The following GRIN2A variants were observed in gnomAD, a reference collection of about 807,000 sequenced individuals.
GRIN2A encodes glutamate receptor ionotropic, NMDA 2A.
Under a neutral mutation model 113.4 loss-of-function variants are expected in GRIN2A, and 22 were observed. The observed-to-expected ratio is 0.19, with a 90% CI of 0.14 to 0.28. The LOEUF is 0.28. Ranked by LOEUF, GRIN2A falls within the 10% of genes least tolerant of loss-of-function variation. The probability of loss-of-function intolerance (pLI) is 1.00; values close to 1 mark genes in which losing one functional copy is unlikely to be tolerated. For synonymous variants in GRIN2A, 827 were observed against 738.4 expected (o/e 1.12, Z -1.94); for missense variants, 1,502 against 1,887.0 (o/e 0.80, Z 3.78).
At chr16:10,104,411 G>A (rs565612652) in intron 2 of GRIN2A, among the ~76,000 whole-genome samples, 23 of 152,210 alleles carry the variant, frequency 1.5e-4, no homozygotes, top group African/African-American at 5.3e-4. Context: ...CCTGGAGGAG[G>A]ACCAGTTTGA....
chr16:9,836,707 C>T (rs561403472), intron 7 of GRIN2A, among the ~76,000 whole-genome samples: 443 of 152,328 alleles, frequency 2.9e-3, no homozygotes, highest in African/African-American at 0.01. Context: ...ATACCACACA[C>T]GTGAATGCAC....
intron 3 of GRIN2A, among the ~76,000 whole-genome samples, chr16:9,924,137 A>C (rs985319572): frequency 6.6e-6 from 1 of 151,702 alleles, no homozygotes; most frequent in Non-Finnish European, 1.5e-5. Context: ...AAAAAAAAAA[A>C]AACAAAAACC....
intron 4 of GRIN2A, among the ~76,000 whole-genome samples, chr16:9,880,218 A>G (rs920775307): frequency 2.6e-5 from 4 of 152,128 alleles, no homozygotes; most frequent in Non-Finnish European, 5.9e-5. Context: ...CCTTGGGGTT[A>G]TATGTCTGAG....
intron 2 of GRIN2A, among the ~76,000 whole-genome samples, chr16:10,146,982 A>G (rs186364742): frequency 1.3e-5 from 2 of 152,244 alleles, no homozygotes; most frequent in African/African-American, 4.8e-5. Flanking sequence ...AGCAAAGATC[A>G]GGCATGCTAA....
At chr16:9,918,698 C>G (rs994818186) in intron 3 of GRIN2A, among the ~76,000 whole-genome samples, 1 of 152,048 alleles carries the variant, frequency 6.6e-6, no homozygotes, top group Non-Finnish European at 1.5e-5. Context: ...TAAAATGTCA[C>G]TTTGTTAACA....
At chr16:10,152,861 C>T (rs141673791) in intron 2 of GRIN2A, among the ~76,000 whole-genome samples, 25 of 152,242 alleles carry the variant, frequency 1.6e-4, no homozygotes, top group Non-Finnish European at 2.5e-4. Context: ...TGTATGATTC[C>T]AACTATATGA....
intron 10 of GRIN2A, among the ~76,000 whole-genome samples, chr16:9,802,078 G>T (rs1220536750): frequency 1.3e-5 from 2 of 152,176 alleles, no homozygotes; most frequent in African/African-American, 4.8e-5. Context: ...ACAGATGCTG[G>T]CAAGGTTGTG....
At chr16:9,861,357 A>T (rs2043064334) in intron 4 of GRIN2A, among the ~76,000 whole-genome samples, 6 of 152,232 alleles carry the variant, frequency 3.9e-5, no homozygotes, top group Admixed American at 2.6e-4. Flanking sequence ...GACATGAGAT[A>T]AATGGCCGTG....
intron 10 of GRIN2A, among the ~76,000 whole-genome samples, chr16:9,802,970 C>T (rs1567308650): frequency 6.6e-6 from 1 of 152,042 alleles, no homozygotes; most frequent in Non-Finnish European, 1.5e-5. Context: ...AAAAAGTCTA[C>T]TTTTGATCCG....
intron 2 of GRIN2A, among the ~76,000 whole-genome samples, chr16:10,012,633 G>C (rs1596415193): frequency 6.6e-6 from 1 of 152,222 alleles, no homozygotes; most frequent in Non-Finnish European, 1.5e-5. Context: ...CTTTGCAGAT[G>C]TGATTAAGGT....
intron 3 of GRIN2A, among the ~76,000 whole-genome samples, chr16:9,924,133 A>C (rs953976652): frequency 0.011 from 1,679 of 150,726 alleles, 47 homozygotes; most frequent in African/African-American, 0.039. Context: ...AAAAAAAAAA[A>C]AAAAAACAAA....
intron 2 of GRIN2A, among the ~76,000 whole-genome samples, chr16:10,003,997 C>T (rs1179874135): frequency 6.6e-6 from 1 of 152,094 alleles, no homozygotes; most frequent in Non-Finnish European, 1.5e-5. Flanking sequence ...TGTTTACTGT[C>T]CTGGTTCCCT....
At chr16:10,099,142 G>C (rs939034473) in intron 2 of GRIN2A, among the ~76,000 whole-genome samples, 4 of 152,130 alleles carry the variant, frequency 2.6e-5, no homozygotes, top group African/African-American at 9.7e-5. Flanking sequence ...TCTGACCTAT[G>C]ATTTTTTTCC....
At chr16:9,828,134 C>T (rs377409350) in intron 9 of GRIN2A, among the ~76,000 whole-genome samples, 1 of 152,170 alleles carries the variant, frequency 6.6e-6, no homozygotes, top group Non-Finnish European at 1.5e-5. Flanking sequence ...TGGGGAAGAA[C>T]ATTCTAGGCA....
intron 2 of GRIN2A, among the ~76,000 whole-genome samples, chr16:9,961,341 G>A (rs1213176834): frequency 6.6e-6 from 1 of 151,994 alleles, no homozygotes; most frequent in Non-Finnish European, 1.5e-5. Context: ...AGGGGTGGGG[G>A]ATCACTAGGA....
chr16:9,817,527 TC>T (rs2042207586), intron 10 of GRIN2A, among the ~76,000 whole-genome samples: 1 of 152,214 alleles, frequency 6.6e-6, no homozygotes, highest in Non-Finnish European at 1.5e-5. Context: ...GTCTGAGTCT[TC>T]CTAAGTGTTT....
chr16:9,997,815 G>C (rs577644235), intron 2 of GRIN2A, among the ~76,000 whole-genome samples: 1 of 152,102 alleles, frequency 6.6e-6, no homozygotes, highest in East Asian at 1.9e-4. Flanking sequence ...TTTTATAAAG[G>C]GCAGTTCCCT....
At chr16:9,994,005 A>C (rs2046176035) in intron 2 of GRIN2A, among the ~76,000 whole-genome samples, 1 of 152,212 alleles carries the variant, frequency 6.6e-6, no homozygotes, top group African/African-American at 2.4e-5. Context: ...GCAGATGGAA[A>C]GTTTATTTTT....
intron 2 of GRIN2A, among the ~76,000 whole-genome samples, chr16:9,987,368 T>C (rs1166378455): frequency 3.3e-5 from 5 of 152,076 alleles, no homozygotes; most frequent in Admixed American, 3.3e-4. Context: ...TCAGAAACTA[T>C]GGAAGCAAAA....
Sources: allele counts gnomAD v4.1 joint callset (sites outside exome capture counted in the v4.1 genomes callset), GRCh38; gene constraint gnomAD v4.1.1; transcripts MANE v1.5; gene names NCBI Gene and HGNC (gene_info 2026-07-23, HGNC 2026-07-21).